STK38L: variants seen among roughly 807,000 people sequenced by gnomAD.
STK38L encodes serine/threonine kinase 38 like.
In STK38L, 28 loss-of-function variants were observed where a neutral mutation model predicts 59.7. That is an observed-to-expected ratio of 0.47 (90% CI 0.35 to 0.64). STK38L has a LOEUF of 0.64. Among genes scored for constraint, STK38L ranks in the 30% least tolerant of loss-of-function variants. The probability of loss-of-function intolerance (pLI) is 0.01; values close to 1 mark genes in which losing one functional copy is unlikely to be tolerated. For synonymous variants in STK38L, 162 were observed against 176.8 expected (o/e 0.92, Z 0.66); for missense variants, 314 against 555.8 (o/e 0.56, Z 4.37).
chr12:27,299,792 G>GA (rs987497483), intron 2 of STK38L, among the ~76,000 whole-genome samples: 4 of 146,248 alleles, frequency 2.7e-5, no homozygotes, highest in South Asian at 2.1e-4. Context: ...ATTGGAATGA[G>GA]AAAAAAAAAG....
intron 1 of STK38L, among the ~76,000 whole-genome samples, chr12:27,273,397 C>A (rs1943465385): frequency 6.6e-6 from 1 of 151,976 alleles, no homozygotes; most frequent in South Asian, 2.1e-4. Flanking sequence ...TGAGTGTTGA[C>A]AGGCTTGTTT....
intron 2 of STK38L, among the ~76,000 whole-genome samples, chr12:27,299,433 GAGTT>G (rs1307993868): frequency 1.3e-5 from 2 of 152,148 alleles, no homozygotes; most frequent in Middle Eastern, 3.2e-3. Flanking sequence ...AACAAAAAAA[GAGTT>G]AGCATCAGCA....
chr12:27,269,218 G>A (rs1328785415), intron 1 of STK38L, among the ~76,000 whole-genome samples: 1 of 152,102 alleles, frequency 6.6e-6, no homozygotes, highest in Non-Finnish European at 1.5e-5. Flanking sequence ...GAATGGTATT[G>A]CCTAGGTTTT....
chr12:27,273,953 T>C (rs1943477524), intron 1 of STK38L, among the ~76,000 whole-genome samples: 1 of 152,184 alleles, frequency 6.6e-6, no homozygotes, highest in South Asian at 2.1e-4. Flanking sequence ...CTGATACTTC[T>C]TTTAGAAATG....
intron 1 of STK38L, among the ~76,000 whole-genome samples, chr12:27,281,834 A>G (rs546782338): frequency 1.3e-5 from 2 of 152,256 alleles, no homozygotes; most frequent in Admixed American, 1.3e-4. Context: ...CAGGAGTTGG[A>G]GACCACCCTG....
intron 1 of STK38L, among the ~76,000 whole-genome samples, chr12:27,264,222 C>T (rs1311153463): frequency 6.6e-6 from 1 of 152,044 alleles, no homozygotes; most frequent in Non-Finnish European, 1.5e-5. Context: ...GTTCTATGAG[C>T]AATGATTTCA....
chr12:27,290,695 G>T (rs184879076), intron 1 of STK38L, among the ~76,000 whole-genome samples: 2 of 152,296 alleles, frequency 1.3e-5, no homozygotes, highest in East Asian at 3.9e-4. Flanking sequence ...GTAATAAAAA[G>T]TGAATGAGTC....
At chr12:27,277,233 ATT>A (rs1565533041) in intron 1 of STK38L, among the ~76,000 whole-genome samples, 1 of 151,988 alleles carries the variant, frequency 6.6e-6, no homozygotes, top group Non-Finnish European at 1.5e-5. Context: ...AGTACGAGTA[ATT>A]ACTCGTACTT....
In STK38L at chr12:27,313,525, G is replaced by T. The variant is rs548132881; in HGVS notation, c.517+853G>T. Among the ~76,000 whole-genome samples, 4 of 152,072 alleles carry T rather than the reference G, an allele frequency of 2.6e-5. No individual in the cohort carries two copies. The South Asian group carries it at 6.2e-4, about 24-fold the overall frequency. On this transcript the variant is annotated intron_variant, in intron 6 of 13. Coordinates refer to ENST00000389032, the MANE Select transcript of STK38L (RefSeq NM_015000.4). ...GCCTCCTGAGTAGCTGGGATTACAGGTGCCCACCACCATGCCCAGCTAATT... is the reference window on the plus strand; with the variant it reads ...GCCTCCTGAGTAGCTGGGATTACAGTTGCCCACCACCATGCCCAGCTAATT...
At chr12:27,247,325 C>T (rs114819213) in intron 1 of STK38L, among the ~76,000 whole-genome samples, 22 of 152,298 alleles carry the variant, frequency 1.4e-4, no homozygotes, top group African/African-American at 3.9e-4. Context: ...ACCCATATGG[C>T]ATGCTTAACT....
At chr12:27,275,627 C>A (rs1302459186) in intron 1 of STK38L, among the ~76,000 whole-genome samples, 1 of 152,170 alleles carries the variant, frequency 6.6e-6, no homozygotes, top group Non-Finnish European at 1.5e-5. Flanking sequence ...GCATGAGCCA[C>A]CACGCCCGGA....
At chr12:27,259,193 A>C (rs1458243882) in intron 1 of STK38L, among the ~76,000 whole-genome samples, 1 of 152,200 alleles carries the variant, frequency 6.6e-6, no homozygotes, top group Non-Finnish European at 1.5e-5. Flanking sequence ...CACAGAGTTA[A>C]TCTTTTGCCA....
intron 6 of STK38L, among the ~76,000 whole-genome samples, chr12:27,313,995 A>G (rs902024158): frequency 3.9e-5 from 6 of 152,186 alleles, no homozygotes; most frequent in African/African-American, 1.4e-4. Flanking sequence ...TTGATTTCAC[A>G]TGGTCTCTGC....
At chr12:27,322,061 T>G (rs1174389254) in intron 12 of STK38L, 82 bp from the exon 13 acceptor site, 10 of 1,273,946 alleles carry the variant, frequency 7.8e-6, no homozygotes, top group Non-Finnish European at 1.1e-5. Context: ...TAGAATAGTA[T>G]GCAGAATTTA....
chr12:27,274,826 C>T (rs1296535601), intron 1 of STK38L, among the ~76,000 whole-genome samples: 3 of 152,154 alleles, frequency 2.0e-5, no homozygotes, highest in Admixed American at 2.0e-4. Flanking sequence ...ACTATGTTTT[C>T]TTTTCTCTAC....
intron 1 of STK38L, among the ~76,000 whole-genome samples, chr12:27,247,266 A>G (rs1190593309): frequency 6.6e-6 from 1 of 152,194 alleles, no homozygotes; most frequent in Non-Finnish European, 1.5e-5. Context: ...AAGGTTAGAT[A>G]GCTATTGAGT....
intron 12 of STK38L, 26 bp from the exon 13 acceptor site, chr12:27,322,117 C>T: frequency 1.3e-6 from 2 of 1,589,858 alleles, no homozygotes; most frequent in Non-Finnish European, 1.7e-6. Flanking sequence ...GAAAAGTTAC[C>T]ATGCATACTT....
intron 1 of STK38L, among the ~76,000 whole-genome samples, chr12:27,251,482 G>A (rs888274076): frequency 6.6e-6 from 1 of 152,198 alleles, no homozygotes; most frequent in African/African-American, 2.4e-5. Context: ...CAAAATAAGA[G>A]ACAGAGCCTG....
At chr12:27,271,722 C>T (rs1312074233) in intron 1 of STK38L, among the ~76,000 whole-genome samples, 2 of 152,090 alleles carry the variant, frequency 1.3e-5, no homozygotes, top group Admixed American at 6.5e-5. Flanking sequence ...TATTTTGAGA[C>T]GGAGTTTTGC....
Sources: allele counts gnomAD v4.1 joint callset (sites outside exome capture counted in the v4.1 genomes callset), GRCh38; gene constraint gnomAD v4.1.1; transcripts MANE v1.5; gene names NCBI Gene and HGNC (gene_info 2026-07-23, HGNC 2026-07-21).